The following NCOA6 variants were observed in gnomAD, a reference collection of about 807,000 sequenced individuals.
The protein encoded by NCOA6 is NRC RAP250.
NCOA6 carries 49 observed loss-of-function variants against 171.4 expected under a neutral mutation model. The observed-to-expected ratio is 0.29, with a 90% CI of 0.23 to 0.36. NCOA6 has a LOEUF of 0.36. NCOA6 is among the 10% of genes least tolerant of loss of function. NCOA6 has a pLI of 1.00. For missense variants in NCOA6, 2,248 were observed against 2,554.5 expected (o/e 0.88, Z 2.59); for synonymous variants, 910 against 927.5 (o/e 0.98, Z 0.34).
chr20:34,794,537 C>T (rs1329263386), intron 1 of NCOA6, among the ~76,000 whole-genome samples: 1 of 151,962 alleles, frequency 6.6e-6, no homozygotes, highest in Non-Finnish European at 1.5e-5. Context: ...AAGGAAAATG[C>T]TGTCTGTGTA....
Position 34,741,989 on chromosome 20 carries a change from G to A in NCOA6, c.4267C>T (p.Gln1423Ter), listed in dbSNP as rs775003582. The change falls in exon 11 of 15, where the codon CAG (glutamine) becomes TAG (stop). Residue 1423 changes from glutamine (Q) to a stop codon, truncating the protein, a stop_gained. Coordinates refer to ENST00000359003, the MANE Select transcript of NCOA6 (RefSeq NM_014071.5). LOFTEE classifies it high-confidence loss of function. The part of the protein sequence containing the change: ...EDNKESLNVP[Q>*]DSDCQNSQSR... ...TGGGAATTCTGGCAATCACTGTCCT[G>A]AGGCACATTCAAGCTCTCCTTGTTA... The A allele has an allele frequency of 6.2e-7, 1 of 1,614,156 alleles. No individual in the cohort carries two copies. The highest frequency in any genetic ancestry group is 8.5e-7 in the Non-Finnish European group (1 of 1,180,038).
chr20:34,742,982 G>C lies in NCOA6; in HGVS notation c.3274C>G (p.Pro1092Ala), dbSNP rs757531012. ...GGCATTGGCATTCTTTGTTTATCAG[G>C]TGATGGTGGCACGGAGGCAGGTCCT... ...LQGPASVPPS[P>A]DKQRMPMPVN... The change falls in exon 11 of 15, where the codon CCT becomes GCT. Residue 1092 changes from proline (P) to alanine (A), a missense_variant. Physicochemically the swap from Pro to Ala is conservative, Grantham distance 27. Transcript: ENST00000359003. The C allele has an allele frequency of 1.2e-6, 2 of 1,613,784 alleles. No homozygotes were observed. Among genetic ancestry groups the C allele is most frequent in the Non-Finnish European group, 1.7e-6 (2 of 1,179,728 alleles).
intron 5 of NCOA6, among the ~76,000 whole-genome samples, chr20:34,759,605 T>G (rs962357219): frequency 1.3e-5 from 2 of 152,226 alleles, no homozygotes; most frequent in Non-Finnish European, 2.9e-5. Context: ...GCATTCTTTG[T>G]CAGCTTCCTT....
chr20:34,819,430 T>A (rs1687201637), intron 1 of NCOA6: 1 of 152,212 alleles, frequency 6.6e-6, no homozygotes, highest in South Asian at 2.1e-4. Context: ...AAATATTGTG[T>A]AAACCAAACA....
At chr20:34,719,862 C>T (rs983379211) in intron 14 of NCOA6, among the ~76,000 whole-genome samples, 2 of 152,150 alleles carry the variant, frequency 1.3e-5, no homozygotes, top group East Asian at 1.9e-4. Context: ...TCAGGGTTTT[C>T]TCCCACGACA....
intron 2 of NCOA6, among the ~76,000 whole-genome samples, chr20:34,786,253 G>T (rs541096595): frequency 6.6e-6 from 1 of 151,978 alleles, no homozygotes; most frequent in African/African-American, 2.4e-5. Context: ...ACCTGCTAGC[G>T]ATCTATTATA....
intron 1 of NCOA6, among the ~76,000 whole-genome samples, chr20:34,823,038 C>T (rs2079053731): frequency 6.6e-6 from 1 of 152,148 alleles, no homozygotes; most frequent in South Asian, 2.1e-4. Flanking sequence ...GGATCCATCA[C>T]TAAATCTGAT....
Position 34,741,992 on chromosome 20 carries a change from G to A in NCOA6, c.4264C>T (p.Pro1422Ser). The change falls in exon 11 of 15, where the codon CCT (proline) becomes TCT (serine). Residue 1422 changes from proline (P) to serine (S), a missense_variant. Pro to Ser is a moderately conservative substitution (Grantham distance 74, BLOSUM62 -1). This residue lies in a region of NCOA6 where 884 missense variants were observed against 941.9 expected (regional missense o/e 0.94). Transcript: ENST00000359003. ...GAATTCTGGCAATCACTGTCCTGAGGCACATTCAAGCTCTCCTTGTTATCC... is the reference window on the plus strand; with the variant it reads ...GAATTCTGGCAATCACTGTCCTGAGACACATTCAAGCTCTCCTTGTTATCC... ...VEDNKESLNV[P>S]QDSDCQNSQS... is the part of the protein sequence containing the mutation. 6.2e-7 allele frequency: 1 copy of A among 1,614,114 alleles called. No individual in the cohort carries two copies. Among genetic ancestry groups the A allele is most frequent in the South Asian group, 1.1e-5 (1 of 91,080 alleles).
chr20:34,800,284 G>T (rs2078215785), intron 1 of NCOA6, among the ~76,000 whole-genome samples: 1 of 151,910 alleles, frequency 6.6e-6, no homozygotes, highest in Non-Finnish European at 1.5e-5. Flanking sequence ...TTCACTAAAA[G>T]AAAGACAGGA....
At chr20:34,815,634 C>A (rs1378895058) in intron 1 of NCOA6, among the ~76,000 whole-genome samples, 2 of 152,014 alleles carry the variant, frequency 1.3e-5, no homozygotes, top group Non-Finnish European at 2.9e-5. Context: ...TGACTATTAA[C>A]ACTGAAATAT....
At chr20:34,762,292 T>C (rs895833759) in intron 5 of NCOA6, among the ~76,000 whole-genome samples, 1 of 152,166 alleles carries the variant, frequency 6.6e-6, no homozygotes, top group Non-Finnish European at 1.5e-5. Context: ...AATCTTTCTA[T>C]CTTTCTAACT....
chr20:34,796,499 G>GTA (rs1400986655), intron 1 of NCOA6, among the ~76,000 whole-genome samples: 6 of 152,064 alleles, frequency 3.9e-5, no homozygotes, highest in Non-Finnish European at 2.9e-5. Context: ...GTGTGTGCCT[G>GTA]TAGTCCCAGC....
chr20:34,732,676 G>A (rs2075824113), intron 12 of NCOA6, 81 bp from the exon 13 acceptor site: 6 of 1,233,388 alleles, frequency 4.9e-6, no homozygotes, highest in Non-Finnish European at 7.0e-6. Context: ...AATTCTCTAT[G>A]CCCTATTTAG....
intron 12 of NCOA6, among the ~76,000 whole-genome samples, chr20:34,734,683 C>T (rs2075895949): frequency 6.6e-6 from 1 of 151,462 alleles, no homozygotes; most frequent in Non-Finnish European, 1.5e-5. Context: ...CAGAGTTTTG[C>T]TCTTGTTGCC....
intron 2 of NCOA6, 57 bp from the exon 3 acceptor site, chr20:34,782,461 T>A (rs2077538660): frequency 4.5e-6 from 2 of 447,994 alleles, no homozygotes; most frequent in Non-Finnish European, 7.8e-6. Context: ...TTCAACAATG[T>A]ATAATTCATA....
At chr20:34,735,642 CAA>C (rs1331763668) in intron 12 of NCOA6, among the ~76,000 whole-genome samples, 12 of 109,882 alleles carry the variant, frequency 1.1e-4, no homozygotes, top group Admixed American at 2.0e-4. Context: ...AACTCCATCT[CAA>C]AAAAAAAAAA....
chr20:34,749,669 C>T lies in NCOA6; in HGVS notation c.2526G>A (p.Ser842=), dbSNP rs147299810. 45 of 1,614,132 alleles carry T rather than the reference C, an allele frequency of 2.8e-5. No individual in the cohort carries two copies. Among genetic ancestry groups the T allele is most frequent in the African/African-American group, 2.5e-4 (19 of 75,028 alleles). Residue 842 remains serine, a synonymous_variant, in exon 9 of 15, where the codon TCG becomes TCA. Coordinates refer to ENST00000359003, the MANE Select transcript of NCOA6 (RefSeq NM_014071.5). ...TCCCATGGCCTGAGAAGTGGTTTCC[C>T]GAGGCACTGTTTCCCTGCATGGCCT... ...HVQAMQGNSA[S]GNHFSGHGMS...
chr20:34,755,769 T>C (rs2076624217), intron 7 of NCOA6, among the ~76,000 whole-genome samples: 1 of 152,184 alleles, frequency 6.6e-6, no homozygotes, highest in Non-Finnish European at 1.5e-5. Flanking sequence ...GGAGTCTCGC[T>C]CTGTTGCCCA....
At chr20:34,771,268 T>G (rs767875762) in intron 4 of NCOA6, among the ~76,000 whole-genome samples, 1 of 152,094 alleles carries the variant, frequency 6.6e-6, no homozygotes. Context: ...TACAGGAGTA[T>G]GCCAACATGC....
Sources: allele counts gnomAD v4.1 joint callset (sites outside exome capture counted in the v4.1 genomes callset), GRCh38; gene constraint gnomAD v4.1.1; regional missense constraint gnomAD v4.1.1; transcripts MANE v1.5; gene names NCBI Gene and HGNC (gene_info 2026-07-23, HGNC 2026-07-21).